Variants in TUBG2 observed in about 807,000 individuals in gnomAD.
The protein encoded by TUBG2 is tubulin gamma 2.
Under a neutral mutation model 55.1 loss-of-function variants are expected in TUBG2, and 39 were observed. The observed-to-expected ratio is 0.71, with a 90% CI of 0.55 to 0.93. The LOEUF (loss-of-function observed/expected upper bound fraction) is 0.93, where lower values mean the gene tolerates loss of function less well. Ranked by LOEUF, TUBG2 falls within the 40% of genes least tolerant of loss-of-function variation. The pLI, the probability that TUBG2 is intolerant of heterozygous loss-of-function variation, is 0.00. For missense variants in TUBG2, 358 were observed against 599.1 expected (o/e 0.60, Z 4.20); for synonymous variants, 223 against 241.0 (o/e 0.93, Z 0.69).
chr17:42,665,565 G>T lies in TUBG2; in HGVS notation c.693+3G>T. ...CCTTCTCCCAGATCAACCAGCTGGT[G>T]GGCCCCCACTCCCGGACTCCTTTGG... On this transcript the variant is annotated splice_donor_region_variant and intron_variant, in intron 7 of 10. Transcript: ENST00000251412. 1 of 1,614,090 alleles carries T rather than the reference G, an allele frequency of 6.2e-7. No homozygotes were observed. The highest frequency in any genetic ancestry group is 1.3e-5 in the African/African-American group (1 of 75,002).
rs1180561089 is a variant in TUBG2 at position 42,659,782 on chromosome 17, C to T, written c.50-52C>T. ...GTCAGCCTCTGAGACTAAAACTGGG[C>T]TCCTCAGGCCTTAAGGCTCCAGCAG... On this transcript the variant is annotated intron_variant, in intron 1 of 10. Coordinates refer to ENST00000251412, the MANE Select transcript of TUBG2 (RefSeq NM_016437.3). The T allele has an allele frequency of 3.1e-6, 5 of 1,603,950 alleles. No homozygotes were observed. In the Admixed American group the frequency reaches 8.5e-5, roughly 27 times the overall value.
rs1470615176 is a variant in TUBG2, at chr17:42,666,817, T to TCC, written c.*18_*19dup. On this transcript the variant is annotated 3_prime_UTR_variant, in exon 11 of 11. Coordinates refer to ENST00000251412, the MANE Select transcript of TUBG2 (RefSeq NM_016437.3). Reference sequence around the variant, plus strand: ...GAGCAGTGATTTCCCTCCCCACTACTCCTTCTCCTTCTAGATGGTAACCAC... The same window carrying TCC: ...GAGCAGTGATTTCCCTCCCCACTACTCCCCTTCTCCTTCTAGATGGTAACCAC... The TCC allele has an allele frequency of 6.2e-7, 1 of 1,613,626 alleles. No individual in the cohort carries two copies. Among genetic ancestry groups the TCC allele is most frequent in the Admixed American group, 1.7e-5 (1 of 59,990 alleles).
intron 4 of TUBG2, chr17:42,661,091 AT>A (rs2143515068): frequency 4.3e-6 from 1 of 231,528 alleles, no homozygotes; most frequent in Non-Finnish European, 8.8e-6. Flanking sequence ...TGGGTGCGAT[AT>A]GTTCCTGGCT....
chr17:42,666,983 T>C lies in TUBG2; in HGVS notation c.*183T>C, dbSNP rs564236503. On this transcript the variant is annotated 3_prime_UTR_variant, in exon 11 of 11. Coordinates refer to ENST00000251412, the MANE Select transcript of TUBG2 (RefSeq NM_016437.3). The stretch of plus-strand genomic sequence containing the variant: ...ATATGCTTGTTCAGCTCTAATAAAG[T>C]AATAAAGCTTGGTTGTCAGTATAGC... 2.3e-4 allele frequency: 146 copies of C among 629,286 alleles called. No individual in the cohort carries two copies. The highest frequency in any genetic ancestry group is 3.7e-4 in the Non-Finnish European group (135 of 367,542). The allele number at this position is 629,286 out of a possible 1,614,324, so 39.0% of individuals were successfully genotyped here.
At chr17:42,663,714 C>T (rs1365234668) in intron 6 of TUBG2, among the ~76,000 whole-genome samples, 5 of 152,038 alleles carry the variant, frequency 3.3e-5, no homozygotes, top group Admixed American at 6.6e-5. Flanking sequence ...GAGGCTGAGA[C>T]GGGCGGATCA....
chr17:42,664,030 C>T (rs946283190), intron 6 of TUBG2, among the ~76,000 whole-genome samples: 2 of 150,638 alleles, frequency 1.3e-5, no homozygotes, highest in East Asian at 1.9e-4. Flanking sequence ...CACTTGAACC[C>T]GGGAGGCAAA....
chr17:42,663,842 C>T (rs1243385004), intron 6 of TUBG2, among the ~76,000 whole-genome samples: 1 of 151,814 alleles, frequency 6.6e-6, no homozygotes, highest in Non-Finnish European at 1.5e-5. Flanking sequence ...ACTCGGGAGG[C>T]TGAGGCAGGA....
At chr17:42,664,253 G>A (rs1292147457) in intron 6 of TUBG2, among the ~76,000 whole-genome samples, 1 of 146,772 alleles carries the variant, frequency 6.8e-6, no homozygotes, top group Non-Finnish European at 1.5e-5. Flanking sequence ...TCCAGCTTGG[G>A]CAACGGAACA....
chr17:42,666,510 A>G (rs1199482491), intron 10 of TUBG2, 26 bp downstream of exon 10: 1 of 1,613,750 alleles, frequency 6.2e-7, no homozygotes, highest in Non-Finnish European at 8.5e-7. Flanking sequence ...TATTCTTCTT[A>G]GAAGAGTCTG....
In TUBG2 at chr17:42,663,375, A is replaced by G; in HGVS notation, c.480-2A>G. On this transcript the variant is annotated splice_acceptor_variant, in intron 5 of 10. Coordinates refer to ENST00000251412, the MANE Select transcript of TUBG2 (RefSeq NM_016437.3). LOFTEE classifies it high-confidence loss of function. The stretch of plus-strand genomic sequence containing the variant: ...CTATGCCACCATCCTCTTTTCTCTC[A>G]GGTACCCCAAGAAGCTAGTGCAGAC... 1 of 1,614,020 alleles carries G rather than the reference A, an allele frequency of 6.2e-7. No individual in the cohort carries two copies.
intron 4 of TUBG2, chr17:42,661,185 T>C (rs1352140033): frequency 6.2e-6 from 1 of 161,886 alleles, no homozygotes; most frequent in African/African-American, 2.4e-5. Context: ...CCTTTTGTCC[T>C]TGGTTTCTGA....
rs572416540 is a variant in TUBG2, at chr17:42,665,047, A to C, written c.607-429A>C. ...TATTTTATTTTATTTATTTTATTTT[A>C]TTATTTTATTTTATTTTTGAGACGG... On this transcript the variant is annotated intron_variant, in intron 6 of 10. Transcript: ENST00000251412. 5.6e-4 allele frequency among the ~76,000 whole-genome samples: 80 copies of C among 142,934 alleles called. 3 individuals carry two copies. The South Asian group carries it at 0.014, about 25-fold the overall frequency. 93.8% of individuals were successfully genotyped at this position (142,934 alleles called of 152,430 possible).
chr17:42,661,848 G>C (rs909367693), intron 4 of TUBG2, among the ~76,000 whole-genome samples: 4 of 152,302 alleles, frequency 2.6e-5, no homozygotes, highest in South Asian at 4.1e-4. Flanking sequence ...ATTTATAGCT[G>C]GTTGGTCAGA....
rs1357742278 is a variant in TUBG2 at position 42,659,432 on chromosome 17, C to G, written c.-72C>G. 6 of 1,491,936 alleles carry G rather than the reference C, an allele frequency of 4.0e-6. 1 individual carries two copies. The highest frequency in any genetic ancestry group is 1.4e-5 in the African/African-American group (1 of 71,340). 92.4% of individuals were successfully genotyped at this position (1,491,936 alleles called of 1,614,324 possible). ...CGCGCGCTCCCCACGTCCTGCGCTC[C>G]TGGCTGCCGGGCATTCGTCTCAGCC... On this transcript the variant is annotated 5_prime_UTR_variant, in exon 1 of 11. Coordinates refer to ENST00000251412, the MANE Select transcript of TUBG2 (RefSeq NM_016437.3).
intron 6 of TUBG2, among the ~76,000 whole-genome samples, chr17:42,664,257 C>T (rs1472803441): frequency 4.4e-5 from 6 of 136,004 alleles, no homozygotes; most frequent in South Asian, 2.5e-4. Flanking sequence ...GCTTGGGCAA[C>T]GGAACAAGAC....
chr17:42,663,080 T>C (rs1162398688), intron 5 of TUBG2, 28 bp downstream of exon 5: 1 of 1,605,770 alleles, frequency 6.2e-7, no homozygotes, highest in Non-Finnish European at 8.5e-7. Context: ...GAGAGGGCAT[T>C]AACCCTGGTT....
Position 42,659,408 on chromosome 17 carries a change from G to T in TUBG2, c.-96G>T. The T allele has an allele frequency of 1.5e-6, 2 of 1,309,970 alleles. No individual in the cohort carries two copies. Among genetic ancestry groups the T allele is most frequent in the South Asian group, 1.4e-5 (1 of 70,838 alleles). 81.1% of individuals were successfully genotyped at this position (1,309,970 alleles called of 1,614,324 possible). A position where few individuals can be genotyped will look rare whatever the true frequency, so the allele number is the denominator to read the frequency against. On this transcript the variant is annotated 5_prime_UTR_variant, in exon 1 of 11. Coordinates refer to ENST00000251412, the MANE Select transcript of TUBG2 (RefSeq NM_016437.3). The stretch of plus-strand genomic sequence containing the variant: ...ATCCGCGTCAAGAGGCGAAGAGAGC[G>T]CGCGCTCCCCACGTCCTGCGCTCCT...
chr17:42,666,916 G>T lies in TUBG2; in HGVS notation c.*116G>T. On this transcript the variant is annotated 3_prime_UTR_variant, in exon 11 of 11. Transcript: ENST00000251412. ...ACCCTTCTTGGTTCATCTCCAGCCCGTGAGCTGGTCCTGCTTCCTCCCTTC... is the reference window on the plus strand; with the variant it reads ...ACCCTTCTTGGTTCATCTCCAGCCCTTGAGCTGGTCCTGCTTCCTCCCTTC... 1.8e-6 allele frequency: 2 copies of T among 1,086,146 alleles called. No homozygotes were observed. The highest frequency in any genetic ancestry group is 2.7e-6 in the Non-Finnish European group (2 of 745,422). The allele number at this position is 1,086,146 out of a possible 1,614,324, so 67.3% of individuals were successfully genotyped here.
intron 8 of TUBG2, 121 bp from the exon 9 acceptor site, chr17:42,665,966 G>A: frequency 6.3e-7 from 1 of 1,590,284 alleles, no homozygotes; most frequent in Non-Finnish European, 8.6e-7. Flanking sequence ...CTGGCACAGA[G>A]CGGGCGACTT....
Sources: gnomAD v4.1 joint callset for allele counts (sites outside exome capture counted in the v4.1 genomes callset) on GRCh38, gnomAD v4.1.1 for gene constraint, MANE v1.5 for transcripts, NCBI Gene and HGNC (gene_info 2026-07-23, HGNC 2026-07-21) for gene names.